The following CFDP1 variants were observed in gnomAD, a reference collection of about 807,000 sequenced individuals.
The protein encoded by CFDP1 is chromatin remodeling protein CFDP1.
In CFDP1, 31 loss-of-function variants were observed where a neutral mutation model predicts 40.1. The observed-to-expected ratio is 0.77, with a 90% CI of 0.58 to 1.04. The LOEUF is 1.04. CFDP1 is among the 50% of genes least tolerant of loss of function. CFDP1 has a pLI of 0.00. For synonymous variants in CFDP1, 167 were observed against 120.0 expected (o/e 1.39, Z -2.56); for missense variants, 423 against 343.4 (o/e 1.23, Z -1.83).
intron 5 of CFDP1, among the ~76,000 whole-genome samples, chr16:75,390,733 T>C (rs1486123985): frequency 6.6e-6 from 1 of 152,220 alleles, no homozygotes; most frequent in Non-Finnish European, 1.5e-5. Flanking sequence ...TTGGCTTCCC[T>C]CTGGGGGAAG....
intron 5 of CFDP1, among the ~76,000 whole-genome samples, chr16:75,385,846 G>T (rs995163730): frequency 6.6e-6 from 1 of 152,070 alleles, no homozygotes; most frequent in Non-Finnish European, 1.5e-5. Context: ...TTAAATGAAG[G>T]TCTTCGTTTC....
intron 5 of CFDP1, among the ~76,000 whole-genome samples, chr16:75,352,033 A>AAAAAAAAAG: frequency 6.8e-6 from 1 of 147,900 alleles, no homozygotes; most frequent in Non-Finnish European, 1.5e-5. Flanking sequence ...AAAAAAAAAA[A>AAAAAAAAAG]GAAAAGGTAA....
intron 5 of CFDP1, among the ~76,000 whole-genome samples, chr16:75,338,102 A>G (rs1370804303): frequency 6.6e-6 from 1 of 151,974 alleles, no homozygotes; most frequent in Non-Finnish European, 1.5e-5. Context: ...ATTTCCTCTT[A>G]CCCTTCTTAG....
intron 5 of CFDP1, among the ~76,000 whole-genome samples, chr16:75,323,830 G>T (rs2078384002): frequency 6.6e-6 from 1 of 151,836 alleles, no homozygotes; most frequent in Non-Finnish European, 1.5e-5. Context: ...TAACATAGCT[G>T]TTTATTCTCT....
In CFDP1 at chr16:75,433,390, G is replaced by A. The variant is rs771585532; in HGVS notation, c.-38C>T. 1.9e-6 allele frequency: 3 copies of A among 1,557,670 alleles called. No homozygotes were observed. Among genetic ancestry groups the A allele is most frequent in the Non-Finnish European group, 1.7e-6 (2 of 1,149,910 alleles). On this transcript the variant is annotated 5_prime_UTR_variant, in exon 1 of 7. Coordinates refer to ENST00000283882, the MANE Select transcript of CFDP1 (RefSeq NM_006324.3). The stretch of plus-strand genomic sequence containing the variant: ...CGACGCTGGTCAAACTCACAAGACC[G>A]CAGCAGCCGCCTCCAACGGCAAAGC...
At chr16:75,312,646 G>T (rs1035207611) in intron 5 of CFDP1, among the ~76,000 whole-genome samples, 1 of 152,152 alleles carries the variant, frequency 6.6e-6, no homozygotes, top group African/African-American at 2.4e-5. Flanking sequence ...AGTATCTCCA[G>T]AAACATATTA....
rs1376858592 is a variant in CFDP1 at position 75,397,699 on chromosome 16, G to A, written c.531-2490C>T. ...AGGTACACCTGTATCCTAGCTACTC[G>A]GGAGGCTGAGGCAGGAGAACCTCAT... is the stretch of plus-strand genomic sequence containing the variant. On this transcript the variant is annotated intron_variant, in intron 4 of 6. Transcript: ENST00000283882. Among the ~76,000 whole-genome samples the A allele has an allele frequency of 9.2e-5, 14 of 152,014 alleles. No homozygotes were observed. The East Asian group carries it at 1.4e-3, about 15-fold the overall frequency.
At chr16:75,353,742 CCG>C in intron 5 of CFDP1, among the ~76,000 whole-genome samples, 2 of 78,894 alleles carry the variant, frequency 2.5e-5, no homozygotes, top group Non-Finnish European at 4.6e-5. Flanking sequence ...CAGCAAAAGT[CCG>C]TCTCAAAAAA....
At chr16:75,314,915 C>T (rs1048475854) in intron 5 of CFDP1, among the ~76,000 whole-genome samples, 2 of 152,094 alleles carry the variant, frequency 1.3e-5, no homozygotes, top group African/African-American at 4.8e-5. Flanking sequence ...CCACACCTGG[C>T]TAACTTTTGT....
chr16:75,393,712 T>C (rs1315800089), intron 5 of CFDP1, among the ~76,000 whole-genome samples: 1 of 109,404 alleles, frequency 9.1e-6, no homozygotes, highest in Non-Finnish European at 1.7e-5. Flanking sequence ...CAGTCCGGCC[T>C]GGGCGACAGA....
chr16:75,373,755 C>T (rs2151541899), intron 5 of CFDP1, among the ~76,000 whole-genome samples: 1 of 152,174 alleles, frequency 6.6e-6, no homozygotes, highest in African/African-American at 2.4e-5. Flanking sequence ...AGATACGAAG[C>T]CATTTTGTCC....
chr16:75,339,298 C>G (rs975479968), intron 5 of CFDP1, among the ~76,000 whole-genome samples: 4 of 152,168 alleles, frequency 2.6e-5, no homozygotes, highest in African/African-American at 9.7e-5. Flanking sequence ...TAATGAGGTT[C>G]TAACTAAAGG....
At position 75,389,598 on chromosome 16, in the gene CFDP1, T is replaced by G. The variant is rs376345899; in HGVS notation, c.650+5492A>C. 1.3e-4 allele frequency among the ~76,000 whole-genome samples: 20 copies of G among 152,306 alleles called. No homozygotes were observed. The East Asian group carries it at 2.3e-3, about 18-fold the overall frequency. On this transcript the variant is annotated intron_variant, in intron 5 of 6. Transcript: ENST00000283882. Reference sequence around the variant, plus strand: ...TTTTCCTGTATTGCTTAAATCTGTTTAGAGAGAGGAAAATAAACAAATAAA... The same window carrying G: ...TTTTCCTGTATTGCTTAAATCTGTTGAGAGAGAGGAAAATAAACAAATAAA...
chr16:75,400,004 G>C (rs1468251032), intron 4 of CFDP1, among the ~76,000 whole-genome samples: 1 of 151,022 alleles, frequency 6.6e-6, no homozygotes, highest in East Asian at 2.0e-4. Context: ...GGGAGGCTGA[G>C]GCAGCAGAAT....
At chr16:75,431,470 A>AAAG (rs1169050842) in intron 1 of CFDP1, among the ~76,000 whole-genome samples, 3 of 149,006 alleles carry the variant, frequency 2.0e-5, no homozygotes, top group Non-Finnish European at 4.5e-5. Flanking sequence ...AAAAAAAAAA[A>AAAG]AAAAAAAGAA....
At chr16:75,341,042 G>A (rs995030429) in intron 5 of CFDP1, among the ~76,000 whole-genome samples, 5 of 152,268 alleles carry the variant, frequency 3.3e-5, no homozygotes, top group East Asian at 1.9e-4. Context: ...TTCTCAGGCT[G>A]GAGTTACATT....
intron 1 of CFDP1, among the ~76,000 whole-genome samples, chr16:75,429,580 G>C (rs929243288): frequency 6.6e-6 from 1 of 152,188 alleles, no homozygotes; most frequent in African/African-American, 2.4e-5. Context: ...TCAAACCCGG[G>C]AGGTGGAGGT....
intron 5 of CFDP1, among the ~76,000 whole-genome samples, chr16:75,319,374 A>C (rs756874012): frequency 1.9e-4 from 29 of 152,200 alleles, no homozygotes; most frequent in Non-Finnish European, 2.4e-4. Context: ...ATAAGCATGC[A>C]AAATTCCAAA....
intron 5 of CFDP1, among the ~76,000 whole-genome samples, chr16:75,376,860 C>T (rs1313856018): frequency 6.6e-6 from 1 of 152,180 alleles, no homozygotes; most frequent in Non-Finnish European, 1.5e-5. Context: ...ACCTGACGAT[C>T]CAGAAGTTAT....
Sources: gnomAD v4.1 joint callset for allele counts (sites outside exome capture counted in the v4.1 genomes callset) on GRCh38, gnomAD v4.1.1 for gene constraint, MANE v1.5 for transcripts, NCBI Gene and HGNC (gene_info 2026-07-23, HGNC 2026-07-21) for gene names.